Variants in KIAA0930 observed in about 807,000 individuals in gnomAD.
KIAA0930 encodes the protein uncharacterized protein KIAA0930.
KIAA0930 carries 24 observed loss-of-function variants against 43.9 expected under a neutral mutation model. That is an observed-to-expected ratio of 0.55 (90% CI 0.40 to 0.77). The LOEUF is 0.77. Ranked by LOEUF, KIAA0930 falls within the 30% of genes least tolerant of loss-of-function variation. The pLI is 0.00. For missense variants in KIAA0930, 461 were observed against 574.2 expected (o/e 0.80, Z 2.02); for synonymous variants, 259 against 216.4 (o/e 1.20, Z -1.73).
intron 2 of KIAA0930, 36 bp downstream of exon 2, chr22:45,211,920 G>A: frequency 1.9e-6 from 3 of 1,597,232 alleles, no homozygotes; most frequent in Non-Finnish European, 2.6e-6. Flanking sequence ...GATGCTTGGG[G>A]CACAGACGCA....
intron 4 of KIAA0930, 71 bp downstream of exon 4, chr22:45,205,559 C>T (rs1269624872): frequency 3.5e-6 from 5 of 1,444,356 alleles, no homozygotes; most frequent in Non-Finnish European, 4.9e-6. Flanking sequence ...AGCAGGAGGA[C>T]TTGTCTCTCT....
intron 4 of KIAA0930, 89 bp from the exon 5 acceptor site, chr22:45,205,407 G>A (rs933829751): frequency 1.8e-5 from 21 of 1,182,010 alleles, no homozygotes; most frequent in Middle Eastern, 2.3e-4. Flanking sequence ...GAGGCCACCC[G>A]GCCCAGAGCC....
At chr22:45,221,426 C>T (rs961785724) in intron 1 of KIAA0930, among the ~76,000 whole-genome samples, 2 of 152,100 alleles carry the variant, frequency 1.3e-5, no homozygotes, top group Non-Finnish European at 2.9e-5. Context: ...GGAAACAGTC[C>T]GGATTTAGGG....
intron 1 of KIAA0930, among the ~76,000 whole-genome samples, chr22:45,223,491 T>C (rs139902855): frequency 7.9e-5 from 12 of 152,240 alleles, no homozygotes; most frequent in Non-Finnish European, 1.6e-4. Flanking sequence ...GTAACAATGG[T>C]ATCTACCTCC....
intron 7 of KIAA0930, 143 bp from the exon 8 acceptor site, chr22:45,200,178 C>A: frequency 5.1e-6 from 4 of 780,094 alleles, no homozygotes; most frequent in Non-Finnish European, 7.6e-6. Context: ...CAGGCCCAGC[C>A]GGCCCGTGCT....
chr22:45,213,609 A>T (rs2083713182), intron 1 of KIAA0930: 3 of 548,106 alleles, frequency 5.5e-6, no homozygotes, highest in Admixed American at 5.3e-5. Context: ...AAGCGCTGTG[A>T]TTATTCCTGG....
chr22:45,204,102 C>T (rs543787078), intron 5 of KIAA0930, 117 bp from the exon 6 acceptor site: 14 of 1,347,638 alleles, frequency 1.0e-5, no homozygotes, highest in South Asian at 6.6e-5. Context: ...AGGGGACAAC[C>T]GGCTGTCACA....
chr22:45,201,023 G>A (rs776864631), intron 7 of KIAA0930: 5 of 532,080 alleles, frequency 9.4e-6, no homozygotes, highest in Non-Finnish European at 1.9e-5. Flanking sequence ...TCCTCCCCAT[G>A]CCAACAATAA....
At chr22:45,210,244 G>C (rs2083680565) in intron 2 of KIAA0930, among the ~76,000 whole-genome samples, 1 of 151,832 alleles carries the variant, frequency 6.6e-6, no homozygotes, top group Non-Finnish European at 1.5e-5. Flanking sequence ...AACTCCAGCA[G>C]AAGCTGAGAG....
At position 45,206,854 on chromosome 22, in the gene KIAA0930, A is replaced by C. The variant is rs184951282; in HGVS notation, c.217-942T>G. 2.3e-3 allele frequency among the ~76,000 whole-genome samples: 355 copies of C among 152,068 alleles called. 2 individuals carry two copies. Among genetic ancestry groups the C allele is most frequent in the African/African-American group, 8.2e-3 (341 of 41,454 alleles). On this transcript the variant is annotated intron_variant, in intron 2 of 9. Coordinates refer to ENST00000336156, the MANE Select transcript of KIAA0930 (RefSeq NM_001009880.2). ...GCTGGGATTACAGGCACGTGCCACC[A>C]CACCTGTCTACTTTTTGTATTTTTG...
At chr22:45,209,899 C>G (rs1365961054) in intron 2 of KIAA0930, among the ~76,000 whole-genome samples, 1 of 152,206 alleles carries the variant, frequency 6.6e-6, no homozygotes, top group Non-Finnish European at 1.5e-5. Flanking sequence ...ACCCCATCCC[C>G]TCTGCTCCAA....
chr22:45,210,065 C>T (rs950308292), intron 2 of KIAA0930, among the ~76,000 whole-genome samples: 1 of 152,254 alleles, frequency 6.6e-6, no homozygotes, highest in East Asian at 1.9e-4. Flanking sequence ...TCCCACCTCC[C>T]TGTCTGCCCT....
intron 1 of KIAA0930, among the ~76,000 whole-genome samples, chr22:45,220,073 C>G (rs1327879674): frequency 2.0e-5 from 3 of 152,002 alleles, no homozygotes; most frequent in Non-Finnish European, 2.9e-5. Context: ...GATGTCAAGA[C>G]AAAAATCTTA....
intron 1 of KIAA0930, among the ~76,000 whole-genome samples, chr22:45,221,764 C>T (rs577500567): frequency 7.2e-5 from 11 of 152,130 alleles, no homozygotes; most frequent in Non-Finnish European, 1.5e-4. Context: ...GACAGAGTCT[C>T]ACTCTTGTTG....
chr22:45,203,373 C>A (rs993635520), intron 6 of KIAA0930, among the ~76,000 whole-genome samples, 189 bp from the exon 7 acceptor site: 1 of 152,142 alleles, frequency 6.6e-6, no homozygotes, highest in African/African-American at 2.4e-5. Flanking sequence ...CTCCTGGTGC[C>A]CCTCCCACCG....
chr22:45,216,255 C>G (rs946614159), intron 1 of KIAA0930, among the ~76,000 whole-genome samples: 1 of 152,158 alleles, frequency 6.6e-6, no homozygotes, highest in African/African-American at 2.4e-5. Context: ...CTCAGATGGC[C>G]AATTCATTCA....
chr22:45,204,120 G>A (rs1601811049), intron 5 of KIAA0930, 135 bp from the exon 6 acceptor site: 2 of 1,145,650 alleles, frequency 1.7e-6, no homozygotes. Flanking sequence ...ACACACTCCT[G>A]TGGCCCCATG....
At chr22:45,212,313 T>TCCTC (rs2083702202) in intron 1 of KIAA0930, 2 of 1,612,538 alleles carry the variant, frequency 1.2e-6, no homozygotes, top group African/African-American at 2.7e-5. Context: ...GAGGCCCAGT[T>TCCTC]CCTCCACTCA....
Position 45,205,313 on chromosome 22 carries a change from C to A in KIAA0930, c.420G>T (p.Val140=). 6.2e-7 allele frequency: 1 copy of A among 1,613,814 alleles called. No homozygotes were observed. Among genetic ancestry groups the A allele is most frequent in the Non-Finnish European group, 8.5e-7 (1 of 1,179,750 alleles). Residue 140 remains valine, a synonymous_variant, in exon 5 of 10, where the codon GTG becomes GTT. Coordinates refer to ENST00000336156, the MANE Select transcript of KIAA0930 (RefSeq NM_001009880.2). ...IHIHKKKSQQ[V]FASPSKHPMD... ...TGGGGTGTTTACTGGGGGACGCGAA[C>A]ACTTGCTGGAAGAAAGCAGATTTGG...
Sources: allele counts gnomAD v4.1 joint callset (sites outside exome capture counted in the v4.1 genomes callset), GRCh38; gene constraint gnomAD v4.1.1; transcripts MANE v1.5; gene names NCBI Gene and HGNC (gene_info 2026-07-23, HGNC 2026-07-21).